Variants in FMNL2 observed in about 807,000 individuals in gnomAD.
The protein encoded by FMNL2 is formin-like protein 2.
In FMNL2, 51 loss-of-function variants were observed where a neutral mutation model predicts 130.2. The observed-to-expected ratio is 0.39, with a 90% CI of 0.31 to 0.49. The LOEUF (loss-of-function observed/expected upper bound fraction) is 0.49, where lower values mean the gene tolerates loss of function less well. FMNL2 is among the 20% of genes least tolerant of loss of function. The probability of loss-of-function intolerance (pLI) is 0.85; values close to 1 mark genes in which losing one functional copy is unlikely to be tolerated. For missense variants in FMNL2, 977 were observed against 1,316.2 expected, an observed-to-expected ratio of 0.74 and a Z score of 3.99; for synonymous variants, 465 against 467.1, an observed-to-expected ratio of 1.00 and a Z score of 0.06.
intron 1 of FMNL2, among the ~76,000 whole-genome samples, chr2:152,512,888 A>T (rs925285758): frequency 6.6e-6 from 1 of 152,204 alleles, no homozygotes; most frequent in African/African-American, 2.4e-5. Flanking sequence ...TAAAGTAGCA[A>T]ATTTCAAGTG....
At chr2:152,530,661 G>A (rs1693637355) in intron 2 of FMNL2, among the ~76,000 whole-genome samples, 1 of 152,152 alleles carries the variant, frequency 6.6e-6, no homozygotes, top group Admixed American at 6.5e-5. Flanking sequence ...AACTGTAAAA[G>A]ACTAAATATA....
At chr2:152,609,119 A>G (rs969021149) in intron 10 of FMNL2, among the ~76,000 whole-genome samples, 7 of 152,198 alleles carry the variant, frequency 4.6e-5, no homozygotes, top group Non-Finnish European at 1.0e-4. Flanking sequence ...TTACAATTAT[A>G]TAAAGCCCTT....
chr2:152,638,399 T>G (rs2105958862), intron 23 of FMNL2, among the ~76,000 whole-genome samples: 1 of 152,152 alleles, frequency 6.6e-6, no homozygotes, highest in African/African-American at 2.4e-5. Context: ...ATAACACTGG[T>G]GGAGGTAGGA....
chr2:152,527,126 T>A (rs1693432116), intron 2 of FMNL2, among the ~76,000 whole-genome samples: 1 of 152,184 alleles, frequency 6.6e-6, no homozygotes, highest in South Asian at 2.1e-4. Context: ...TTTTGTTTTC[T>A]GCACTTACCT....
At chr2:152,400,200 A>G (rs954617427) in intron 1 of FMNL2, among the ~76,000 whole-genome samples, 1 of 152,190 alleles carries the variant, frequency 6.6e-6, no homozygotes, top group African/African-American at 2.4e-5. Context: ...TGGGAAGCCG[A>G]GGCGGGCGGA....
At chr2:152,436,486 A>G (rs1687773141) in intron 1 of FMNL2, among the ~76,000 whole-genome samples, 1 of 152,174 alleles carries the variant, frequency 6.6e-6, no homozygotes, top group South Asian at 2.1e-4. Context: ...GGTATCTACT[A>G]TAACACATCT....
intron 1 of FMNL2, among the ~76,000 whole-genome samples, chr2:152,494,685 A>G (rs1016910989): frequency 3.9e-5 from 6 of 152,234 alleles, no homozygotes; most frequent in Non-Finnish European, 7.3e-5. Flanking sequence ...TTATCCTAAC[A>G]ATTGCATGAT....
intron 1 of FMNL2, among the ~76,000 whole-genome samples, chr2:152,373,736 T>C (rs1684016381): frequency 6.6e-6 from 1 of 152,032 alleles, no homozygotes; most frequent in South Asian, 2.1e-4. Context: ...TTCCTGAATA[T>C]TTTGTATCCC....
intron 11 of FMNL2, among the ~76,000 whole-genome samples, chr2:152,613,159 T>G (rs1003939569): frequency 6.6e-6 from 1 of 152,250 alleles, no homozygotes; most frequent in Admixed American, 6.5e-5. Flanking sequence ...TCCTTTTTAT[T>G]TAAAGGCTCA....
intron 2 of FMNL2, among the ~76,000 whole-genome samples, chr2:152,530,545 C>T (rs750461211): frequency 5.9e-5 from 9 of 152,168 alleles, no homozygotes; most frequent in Non-Finnish European, 8.8e-5. Context: ...ATTAACTTCA[C>T]CTTGTGAAGC....
chr2:152,598,836 A>T (rs980190091), intron 9 of FMNL2, among the ~76,000 whole-genome samples: 1 of 152,254 alleles, frequency 6.6e-6, no homozygotes, highest in Non-Finnish European at 1.5e-5. Flanking sequence ...AAGAGGAAAC[A>T]TTATGGGAAT....
intron 11 of FMNL2, among the ~76,000 whole-genome samples, chr2:152,613,697 A>C (rs1698802882): frequency 6.6e-6 from 1 of 152,220 alleles, no homozygotes. Flanking sequence ...GAGTAATGTA[A>C]ATGTATGCTA....
At chr2:152,381,517 G>C (rs1684461982) in intron 1 of FMNL2, among the ~76,000 whole-genome samples, 1 of 152,190 alleles carries the variant, frequency 6.6e-6, no homozygotes, top group African/African-American at 2.4e-5. Flanking sequence ...TCATCAAAAA[G>C]AGCAGAATGG....
chr2:152,532,933 G>A (rs566724834), intron 2 of FMNL2, among the ~76,000 whole-genome samples: 1 of 152,138 alleles, frequency 6.6e-6, no homozygotes, highest in East Asian at 1.9e-4. Context: ...TAAAAAGTGG[G>A]TTATTTGTCT....
chr2:152,417,431 G>A (rs549006351), intron 1 of FMNL2, among the ~76,000 whole-genome samples: 22 of 152,310 alleles, frequency 1.4e-4, no homozygotes, highest in African/African-American at 4.6e-4. Flanking sequence ...TCTTGGGGCA[G>A]GTTAACAGCC....
At chr2:152,389,822 G>A (rs1262793116) in intron 1 of FMNL2, 1 of 1,263,674 alleles carries the variant, frequency 7.9e-7, no homozygotes, top group Non-Finnish European at 1.2e-6. Context: ...GGAGAAGAGG[G>A]GATGGCAAAG....
At chr2:152,583,994 A>T (rs1696928413) in intron 9 of FMNL2, among the ~76,000 whole-genome samples, 1 of 152,196 alleles carries the variant, frequency 6.6e-6, no homozygotes, top group South Asian at 2.1e-4. Context: ...GAAGAGCCTC[A>T]ACCGATTTAT....
At position 152,384,188 on chromosome 2, in the gene FMNL2, A is replaced by G. The variant is rs529482576; in HGVS notation, c.117+48468A>G. Among the ~76,000 whole-genome samples the G allele has an allele frequency of 5.9e-5, 9 of 152,354 alleles. No homozygotes were observed. In the South Asian group the frequency reaches 1.9e-3, roughly 32 times the overall value. Reference sequence around the variant, plus strand: ...GGTGAGGAAACTGATTCTGAGGAGTAAAATAATTTGCTCAAAGTTTTGTGA... The same window carrying G: ...GGTGAGGAAACTGATTCTGAGGAGTGAAATAATTTGCTCAAAGTTTTGTGA... On this transcript the variant is annotated intron_variant, in intron 1 of 25. Transcript: ENST00000288670.
chr2:152,643,501 C>A (rs1259069361), intron 25 of FMNL2: 1 of 1,536,142 alleles, frequency 6.5e-7, no homozygotes, highest in East Asian at 2.4e-5. Flanking sequence ...CTGAGGAATA[C>A]CATTACTAAA....
Sources: allele counts gnomAD v4.1 joint callset (sites outside exome capture counted in the v4.1 genomes callset), GRCh38; gene constraint gnomAD v4.1.1; transcripts MANE v1.5; gene names NCBI Gene and HGNC (gene_info 2026-07-23, HGNC 2026-07-21).